CDK14: variants seen among roughly 807,000 people sequenced by gnomAD.
CDK14 encodes cyclin dependent kinase 14.
Under a neutral mutation model 60.7 loss-of-function variants are expected in CDK14, and 34 were observed. The observed-to-expected ratio is 0.56, with a 90% CI of 0.43 to 0.75. The LOEUF is 0.75. CDK14 is among the 30% of genes least tolerant of loss of function. CDK14 has a pLI of 0.00. For missense variants in CDK14, 482 were observed against 564.1 expected (o/e 0.85, Z 1.47); for synonymous variants, 197 against 203.7 (o/e 0.97, Z 0.28).
intron 2 of CDK14, among the ~76,000 whole-genome samples, chr7:90,721,629 C>T (rs923380563): frequency 8.5e-5 from 13 of 152,086 alleles, no homozygotes; most frequent in Admixed American, 2.6e-4. Context: ...TATTACTTTC[C>T]AAAGATTTCT....
chr7:90,929,475 A>G (rs1227085981), intron 8 of CDK14, among the ~76,000 whole-genome samples: 4 of 152,326 alleles, frequency 2.6e-5, no homozygotes, highest in East Asian at 3.9e-4. Flanking sequence ...TTACATATCA[A>G]TGTTAACAAC....
chr7:90,934,123 G>C (rs949532477), intron 8 of CDK14, among the ~76,000 whole-genome samples: 2 of 152,246 alleles, frequency 1.3e-5, no homozygotes, highest in Non-Finnish European at 2.9e-5. Context: ...CTGGAAAGGC[G>C]GTCAGTGCCC....
intron 14 of CDK14, among the ~76,000 whole-genome samples, chr7:91,139,066 C>G (rs190324750): frequency 6.6e-6 from 1 of 152,164 alleles, no homozygotes; most frequent in East Asian, 1.9e-4. Flanking sequence ...AGTGAATCAG[C>G]CCTACATCCA....
intron 5 of CDK14, among the ~76,000 whole-genome samples, chr7:90,806,529 T>G (rs1363000868): frequency 2.0e-5 from 3 of 152,146 alleles, no homozygotes; most frequent in African/African-American, 4.8e-5. Flanking sequence ...AGTCTACAGC[T>G]CCCAGCGTGA....
intron 5 of CDK14, among the ~76,000 whole-genome samples, chr7:90,830,524 C>CTGGATACGT (rs1173764696): frequency 6.6e-6 from 1 of 152,198 alleles, no homozygotes; most frequent in African/African-American, 2.4e-5. Flanking sequence ...CTGAAATGCC[C>CTGGATACGT]TGGATACGTT....
chr7:90,838,806 A>G (rs1222215710), intron 5 of CDK14, among the ~76,000 whole-genome samples: 1 of 152,152 alleles, frequency 6.6e-6, no homozygotes, highest in Non-Finnish European at 1.5e-5. Flanking sequence ...TATCAAGACA[A>G]TGCGTGCCCA....
chr7:91,010,781 CTTCT>C (rs1159859099), intron 10 of CDK14, among the ~76,000 whole-genome samples: 1 of 139,626 alleles, frequency 7.2e-6, no homozygotes, highest in African/African-American at 2.8e-5. Flanking sequence ...TCTTTCCTTC[CTTCT>C]TTCCCTCCTT....
intron 6 of CDK14, among the ~76,000 whole-genome samples, chr7:90,899,031 C>T (rs1792420271): frequency 6.6e-6 from 1 of 151,736 alleles, no homozygotes; most frequent in South Asian, 2.1e-4. Flanking sequence ...AAATGAGACA[C>T]TTAACAAATT....
intron 2 of CDK14, 69 bp from the exon 3 acceptor site, chr7:90,726,498 T>A (rs1802637184): frequency 2.0e-6 from 3 of 1,498,514 alleles, no homozygotes; most frequent in South Asian, 2.5e-5. Flanking sequence ...TCTAGAGTTA[T>A]ATATTGGCAT....
At chr7:90,941,007 A>G (rs1793915733) in intron 8 of CDK14, among the ~76,000 whole-genome samples, 3 of 152,190 alleles carry the variant, frequency 2.0e-5, no homozygotes, top group South Asian at 2.1e-4. Flanking sequence ...GCTTTCAACA[A>G]TCAGACATGG....
intron 8 of CDK14, among the ~76,000 whole-genome samples, chr7:90,951,844 C>T (rs1794272784): frequency 6.6e-6 from 1 of 152,102 alleles, no homozygotes. Context: ...ACATCTAGCA[C>T]CTATGCCTAG....
At chr7:90,736,115 G>A (rs552781340) in intron 3 of CDK14, among the ~76,000 whole-genome samples, 2 of 152,170 alleles carry the variant, frequency 1.3e-5, no homozygotes, top group South Asian at 2.1e-4. Context: ...TGGGCAAGGC[G>A]ATGCCCTACC....
chr7:90,663,273 T>A (rs962368422), intron 2 of CDK14, among the ~76,000 whole-genome samples: 4 of 152,332 alleles, frequency 2.6e-5, no homozygotes, highest in African/African-American at 9.6e-5. Flanking sequence ...ATATTCACAC[T>A]CTCTCTCAGA....
intron 3 of CDK14, among the ~76,000 whole-genome samples, chr7:90,735,900 G>C (rs1390998297): frequency 6.6e-6 from 1 of 152,228 alleles, no homozygotes; most frequent in Non-Finnish European, 1.5e-5. Context: ...AGCTAGCTCG[G>C]TGTCTGCCCA....
At chr7:90,903,022 A>G (rs1385859097) in intron 7 of CDK14, among the ~76,000 whole-genome samples, 3 of 152,198 alleles carry the variant, frequency 2.0e-5, no homozygotes, top group Admixed American at 6.5e-5. Context: ...AGTAAAAATC[A>G]AAACCACAGT....
At chr7:91,120,894 A>G (rs914022751) in intron 14 of CDK14, among the ~76,000 whole-genome samples, 5 of 152,192 alleles carry the variant, frequency 3.3e-5, no homozygotes, top group African/African-American at 1.2e-4. Context: ...ATGCCTCAGC[A>G]TGATTCAATA....
At chr7:91,162,643 T>G (rs190525820) in intron 14 of CDK14, among the ~76,000 whole-genome samples, 3 of 152,188 alleles carry the variant, frequency 2.0e-5, no homozygotes, top group Admixed American at 2.0e-4. Flanking sequence ...CTCTGTAACT[T>G]CGGGAAGTCA....
chr7:91,062,901 C>T (rs1263739262), intron 11 of CDK14, among the ~76,000 whole-genome samples: 7 of 152,142 alleles, frequency 4.6e-5, no homozygotes, highest in African/African-American at 1.7e-4. Context: ...CAGGTATGTT[C>T]CACACCCCTC....
At chr7:90,820,717 G>T (rs553897217) in intron 5 of CDK14, among the ~76,000 whole-genome samples, 1 of 152,122 alleles carries the variant, frequency 6.6e-6, no homozygotes, top group Non-Finnish European at 1.5e-5. Flanking sequence ...TCACCTCTTT[G>T]TGCTGATTTC....
Sources: gnomAD v4.1 joint callset for allele counts (sites outside exome capture counted in the v4.1 genomes callset) on GRCh38, gnomAD v4.1.1 for gene constraint, MANE v1.5 for transcripts, NCBI Gene and HGNC (gene_info 2026-07-23, HGNC 2026-07-21) for gene names.